The following COL19A1 variants were observed in gnomAD, a reference collection of about 807,000 sequenced individuals.
The protein encoded by COL19A1 is collagen alpha-1(XIX) chain.
A neutral mutation model predicts 190.2 loss-of-function variants in COL19A1; 159 were observed. That is an observed-to-expected ratio of 0.84 (90% CI 0.73 to 0.95). The LOEUF is 0.95. COL19A1 is among the 40% of genes least tolerant of loss of function. The probability of loss-of-function intolerance (pLI) is 0.00; values close to 1 mark genes in which losing one functional copy is unlikely to be tolerated. For synonymous variants in COL19A1, 509 were observed against 458.9 expected, an observed-to-expected ratio of 1.11 and a Z score of -1.39; for missense variants, 1,418 against 1,431.9, an observed-to-expected ratio of 0.99 and a Z score of 0.16.
At chr6:70,201,112 A>C (rs1396150741) in intron 49 of COL19A1, among the ~76,000 whole-genome samples, 2 of 152,206 alleles carry the variant, frequency 1.3e-5, no homozygotes, top group Non-Finnish European at 2.9e-5. Context: ...TTATCTGAAA[A>C]TGTGTAATGC....
intron 11 of COL19A1, among the ~76,000 whole-genome samples, chr6:69,980,935 T>C (rs1211150675): frequency 6.6e-6 from 1 of 152,198 alleles, no homozygotes; most frequent in Admixed American, 6.5e-5. Flanking sequence ...AGCAACTGGG[T>C]AATATCTATT....
At chr6:69,946,666 C>T (rs917749070) in intron 9 of COL19A1, among the ~76,000 whole-genome samples, 1 of 151,826 alleles carries the variant, frequency 6.6e-6, no homozygotes, top group Admixed American at 6.6e-5. Flanking sequence ...TAGTAATTAA[C>T]GCACCCCTTA....
chr6:70,185,574 G>A (rs958232538), intron 46 of COL19A1, among the ~76,000 whole-genome samples: 2 of 152,118 alleles, frequency 1.3e-5, no homozygotes, highest in Admixed American at 6.5e-5. Flanking sequence ...TGTTTGGAGC[G>A]TTAATGTCAT....
chr6:70,038,852 C>T (rs1280568115), intron 14 of COL19A1, among the ~76,000 whole-genome samples: 2 of 152,056 alleles, frequency 1.3e-5, no homozygotes, highest in South Asian at 4.1e-4. Context: ...TCCCATAGAT[C>T]AATGGTTCTC....
chr6:69,985,723 A>G (rs917533211), intron 11 of COL19A1, among the ~76,000 whole-genome samples: 1 of 152,200 alleles, frequency 6.6e-6, no homozygotes, highest in Non-Finnish European at 1.5e-5. Context: ...TTGCTCAGAA[A>G]TGTCTCTCCT....
chr6:70,167,738 C>T (rs1332463185), intron 37 of COL19A1, among the ~76,000 whole-genome samples: 1 of 152,190 alleles, frequency 6.6e-6, no homozygotes, highest in Non-Finnish European at 1.5e-5. Flanking sequence ...CCTCCAAATG[C>T]ATTAGTGTCT....
intron 49 of COL19A1, among the ~76,000 whole-genome samples, chr6:70,205,078 TCTAGGATTGTACTGAATATCTTTAA>T (rs1767777739): frequency 6.6e-6 from 1 of 152,198 alleles, no homozygotes; most frequent in Admixed American, 6.5e-5. Flanking sequence ...CTCTCTAGGG[TCTAGGATTGTACTGAATATCTTTAA>T]CACAATTTTC....
intron 18 of COL19A1, chr6:70,130,962 C>T (rs1431004585): frequency 9.7e-6 from 4 of 413,006 alleles, no homozygotes; most frequent in Non-Finnish European, 2.0e-5. Context: ...TTTATACTGT[C>T]CAGTAGTGGT....
intron 4 of COL19A1, among the ~76,000 whole-genome samples, chr6:69,906,906 G>A (rs1770586191): frequency 6.6e-6 from 1 of 152,064 alleles, no homozygotes; most frequent in Non-Finnish European, 1.5e-5. Flanking sequence ...TACAAATTTG[G>A]AAGATGTGTA....
At chr6:70,130,086 C>T (rs1785430360) in intron 17 of COL19A1, 96 bp from the exon 18 acceptor site, 6 of 1,347,426 alleles carry the variant, frequency 4.5e-6, no homozygotes, top group Non-Finnish European at 6.2e-6. Context: ...AAAGCGGTTA[C>T]AGAACTATTA....
At position 70,180,489 on chromosome 6, in the gene COL19A1, GT is replaced by G; in HGVS notation, c.2744del (p.Phe915SerfsTer13). The G allele has an allele frequency of 6.2e-7, 1 of 1,614,124 alleles. No homozygotes were observed. The highest frequency in any genetic ancestry group is 8.5e-7 in the Non-Finnish European group (1 of 1,180,012). ...GAGAGAGGACCTGTTGGAGATATAG[GT>G]TTCCCTGGACCAGAAGGACCCTCAG... ...PGERGPVGDI[G>X]FPGPEGPSGK... On this transcript the variant is annotated frameshift_variant, in exon 44 of 51. Transcript: ENST00000620364. LOFTEE classifies it high-confidence loss of function.
At chr6:70,104,711 A>T (rs546283465) in intron 16 of COL19A1, among the ~76,000 whole-genome samples, 1 of 152,372 alleles carries the variant, frequency 6.6e-6, no homozygotes, top group East Asian at 1.9e-4. Context: ...GCTTTAAAGA[A>T]GAAAAGCTGG....
intron 25 of COL19A1, 98 bp from the exon 26 acceptor site, chr6:70,146,561 G>A (rs992372889): frequency 1.2e-5 from 10 of 815,598 alleles, no homozygotes; most frequent in Non-Finnish European, 1.6e-5. Flanking sequence ...ATTTATTCAA[G>A]CAAGATGAAG....
intron 6 of COL19A1, among the ~76,000 whole-genome samples, chr6:69,930,503 A>C (rs1343476980): frequency 1.3e-5 from 2 of 152,122 alleles, no homozygotes; most frequent in African/African-American, 4.8e-5. Context: ...CCTGTGTCTC[A>C]TTAACTTCTC....
Position 70,153,202 on chromosome 6 carries a change from C to T in COL19A1, c.2079+1764C>T, listed in dbSNP as rs377410528. ...TGGATCTGTCATGCCAATGTAATAA[C>T]ATCATGTTAAATCCTGATCTTGTTA... On this transcript the variant is annotated intron_variant, in intron 31 of 50. Transcript: ENST00000620364. Among the ~76,000 whole-genome samples the T allele has an allele frequency of 1.5e-4, 23 of 152,254 alleles. No individual in the cohort carries two copies. In the East Asian group the frequency reaches 2.3e-3, roughly 15 times the overall value.
intron 9 of COL19A1, among the ~76,000 whole-genome samples, chr6:69,952,537 G>A (rs543013838): frequency 2.0e-5 from 3 of 151,928 alleles, no homozygotes; most frequent in Non-Finnish European, 4.4e-5. Context: ...ATATATTAAA[G>A]CACTTAAGAA....
chr6:70,048,615 T>G (rs1780029538), intron 14 of COL19A1, among the ~76,000 whole-genome samples: 1 of 152,174 alleles, frequency 6.6e-6, no homozygotes, highest in Non-Finnish European at 1.5e-5. Flanking sequence ...GTTGTTCATA[T>G]TATACACAGA....
chr6:70,097,298 A>T (rs1192404027), intron 15 of COL19A1, among the ~76,000 whole-genome samples: 1 of 152,060 alleles, frequency 6.6e-6, no homozygotes, highest in Non-Finnish European at 1.5e-5. Context: ...GATCCTCCTG[A>T]GGTTTCCTAT....
chr6:69,962,867 A>G lies in COL19A1; in HGVS notation c.1023A>G (p.Glu341=), dbSNP rs1774883822. The part of the protein sequence containing the change: ...GFEGSKGETG[E]KGEQGEKGDP... ...AAGGCAGCAAAGGAGAAACTGGTGAAAAGGTAAATATCTCTTTTTACATTC... is the reference window on the plus strand; with the variant it reads ...AAGGCAGCAAAGGAGAAACTGGTGAGAAGGTAAATATCTCTTTTTACATTC... Residue 341 remains glutamate, a synonymous_variant, in exon 11 of 51, where the codon GAA becomes GAG. Transcript: ENST00000620364. 6.2e-7 allele frequency: 1 copy of G among 1,606,304 alleles called. No individual in the cohort carries two copies. The highest frequency in any genetic ancestry group is 8.5e-7 in the Non-Finnish European group (1 of 1,174,776).
Sources: allele counts gnomAD v4.1 joint callset (sites outside exome capture counted in the v4.1 genomes callset), GRCh38; gene constraint gnomAD v4.1.1; transcripts MANE v1.5; gene names NCBI Gene and HGNC (gene_info 2026-07-23, HGNC 2026-07-21).